The following HMGCLL1 variants were observed in gnomAD, a reference collection of about 807,000 sequenced individuals.
HMGCLL1 encodes 3-hydroxy-3-methylglutaryl-CoA lyase like 1.
HMGCLL1 carries 36 observed loss-of-function variants against 39.1 expected under a neutral mutation model. The ratio of observed to expected loss-of-function variants is 0.92; its 90% CI spans 0.71 to 1.22. The LOEUF is 1.22. Ranked by LOEUF, HMGCLL1 falls within the 50% of genes most tolerant of loss-of-function variation. The pLI, the probability that HMGCLL1 is intolerant of heterozygous loss-of-function variation, is 0.00. For synonymous variants in HMGCLL1, 149 were observed against 144.0 expected (o/e 1.03, Z -0.25); for missense variants, 451 against 416.5 (o/e 1.08, Z -0.72).
chr6:55,530,175 A>G (rs1768579823), intron 3 of HMGCLL1, among the ~76,000 whole-genome samples: 1 of 152,158 alleles, frequency 6.6e-6, no homozygotes, highest in Non-Finnish European at 1.5e-5. Flanking sequence ...ATCTTGACTG[A>G]TAATAGTGTT....
upstream of HMGCLL1, among the ~76,000 whole-genome samples, chr6:55,583,380 G>A (rs1173969356): frequency 1.3e-5 from 2 of 149,998 alleles, no homozygotes; most frequent in African/African-American, 4.9e-5. Context: ...AGAGTGTGAT[G>A]TTCCCCTTCC....
the HMGCLL1 span, among the ~76,000 whole-genome samples, chr6:55,638,447 A>G: frequency 8.5e-5 from 13 of 152,156 alleles, 1 homozygote; most frequent in African/African-American, 3.1e-4. Flanking sequence ...TTATTTAGAC[A>G]CATCTATTTT....
the HMGCLL1 span, among the ~76,000 whole-genome samples, chr6:55,671,139 T>A: frequency 6.6e-6 from 1 of 151,856 alleles, no homozygotes. Context: ...CTTTGTATAA[T>A]CTGCCTTCCT....
rs1763339110 is a variant in HMGCLL1 at position 55,435,663 on chromosome 6, C to T, written c.1022G>A (p.Ter341=). Residue 341 remains the stop codon, a stop_retained_variant, in exon 9 of 9, where the codon TGA becomes TAA. Transcript: ENST00000274901. ...SKVAQASFNA[*] ...CGGTACGTCATAAATCCATTCAAGT[C>T]AAGCATTGAAGGAGGCTTGTGCTAC... 4 of 1,566,924 alleles carry T rather than the reference C, an allele frequency of 2.6e-6. No individual in the cohort carries two copies. In the African/African-American group the frequency reaches 4.1e-5, roughly 16 times the overall value.
chr6:55,624,741 T>G, the HMGCLL1 span, among the ~76,000 whole-genome samples: 1 of 152,136 alleles, frequency 6.6e-6, no homozygotes, highest in Non-Finnish European at 1.5e-5. Context: ...AGGGGTCCAG[T>G]GGTGTGGGGC....
the HMGCLL1 span, among the ~76,000 whole-genome samples, chr6:55,588,789 T>A: frequency 6.6e-6 from 1 of 151,728 alleles, no homozygotes; most frequent in South Asian, 2.1e-4. Context: ...TCTATGCAAA[T>A]AAACTAGAAA....
intron 3 of HMGCLL1, among the ~76,000 whole-genome samples, chr6:55,520,358 G>T (rs960963781): frequency 2.6e-5 from 4 of 151,576 alleles, no homozygotes; most frequent in Non-Finnish European, 5.9e-5. Context: ...ATCACTGAAG[G>T]TATCTTAATA....
rs146887779 is a variant in HMGCLL1, at chr6:55,556,652, C to T, written c.109-14512G>A. Reference sequence around the variant, plus strand: ...ATGATCTGAGGTACATTGGACTATGCTCACTCGGGATTTTATAGAGAATAG... The same window carrying T: ...ATGATCTGAGGTACATTGGACTATGTTCACTCGGGATTTTATAGAGAATAG... On this transcript the variant is annotated intron_variant, in intron 1 of 8. Transcript: ENST00000274901. Among the ~76,000 whole-genome samples the T allele has an allele frequency of 5.8e-3, 880 of 152,220 alleles. 9 individuals are homozygous for T. Among genetic ancestry groups the T allele is most frequent in the African/African-American group, 0.02 (816 of 41,548 alleles).
the HMGCLL1 span, among the ~76,000 whole-genome samples, chr6:55,588,912 T>G: frequency 6.6e-6 from 1 of 152,008 alleles, no homozygotes; most frequent in African/African-American, 2.4e-5. Flanking sequence ...AGACAATAAT[T>G]AATAGCTTAC....
chr6:55,670,399 AC>A, the HMGCLL1 span, among the ~76,000 whole-genome samples: 1 of 151,888 alleles, frequency 6.6e-6, no homozygotes, highest in Admixed American at 6.6e-5. Context: ...AGAAGAAAAT[AC>A]CATGAATAAA....
intron 7 of HMGCLL1, among the ~76,000 whole-genome samples, chr6:55,475,679 T>C (rs900050461): frequency 3.3e-5 from 5 of 151,716 alleles, no homozygotes; most frequent in Non-Finnish European, 5.9e-5. Context: ...ATCAATTATT[T>C]TCCACTGTTA....
the HMGCLL1 span, among the ~76,000 whole-genome samples, chr6:55,660,868 AC>A: frequency 6.6e-6 from 1 of 151,668 alleles, no homozygotes; most frequent in Admixed American, 6.6e-5. Flanking sequence ...TTTCTTCTTA[AC>A]CTTGCCAGCA....
intron 7 of HMGCLL1, among the ~76,000 whole-genome samples, chr6:55,486,606 G>A (rs1766046807): frequency 6.6e-6 from 1 of 152,060 alleles, no homozygotes; most frequent in South Asian, 2.1e-4. Context: ...CACCCTTAGA[G>A]TCATCACTCA....
the HMGCLL1 span, among the ~76,000 whole-genome samples, chr6:55,585,782 A>C: frequency 6.6e-6 from 1 of 152,120 alleles, no homozygotes; most frequent in Non-Finnish European, 1.5e-5. Context: ...TCCACTACAG[A>C]TACTTTTAAA....
the HMGCLL1 span, among the ~76,000 whole-genome samples, chr6:55,649,017 A>G: frequency 2.0e-5 from 3 of 152,160 alleles, no homozygotes; most frequent in Admixed American, 2.0e-4. Flanking sequence ...GTTTCTCTTC[A>G]TGTCTTATTG....
chr6:55,667,873 T>C, the HMGCLL1 span, among the ~76,000 whole-genome samples: 1 of 151,828 alleles, frequency 6.6e-6, no homozygotes, highest in East Asian at 1.9e-4. Flanking sequence ...GCATTTCTTA[T>C]ACAATATACA....
chr6:55,627,964 A>AT, the HMGCLL1 span, among the ~76,000 whole-genome samples: 3 of 538 alleles, frequency 5.6e-3, 1 homozygote, highest in Non-Finnish European at 0.011. Context: ...TATATATAAT[A>AT]TATATATAGT....
intron 3 of HMGCLL1, among the ~76,000 whole-genome samples, chr6:55,535,319 C>T (rs572577514): frequency 6.9e-4 from 105 of 152,228 alleles, no homozygotes; most frequent in African/African-American, 2.0e-3. Flanking sequence ...ACCTGCTCTA[C>T]GAATTCAGGA....
At chr6:55,574,290 A>G (rs1479704526) in intron 1 of HMGCLL1, among the ~76,000 whole-genome samples, 2 of 151,982 alleles carry the variant, frequency 1.3e-5, no homozygotes, top group Admixed American at 6.6e-5. Context: ...GAATAAAAAG[A>G]GAAAATATGT....
Sources: allele counts gnomAD v4.1 joint callset (sites outside exome capture counted in the v4.1 genomes callset), GRCh38; gene constraint gnomAD v4.1.1; transcripts MANE v1.5; gene names NCBI Gene and HGNC (gene_info 2026-07-23, HGNC 2026-07-21).